Variants in BICRAL observed in about 807,000 individuals in gnomAD.
BICRAL encodes the protein BICRA like chromatin remodeling complex associated protein.
A neutral mutation model predicts 91.8 loss-of-function variants in BICRAL; 8 were observed. The observed-to-expected ratio is 0.09, with a 90% CI of 0.05 to 0.16. The LOEUF (loss-of-function observed/expected upper bound fraction) is 0.16. Among genes scored for constraint, BICRAL ranks in the 10% least tolerant of loss-of-function variants. The pLI, the probability that BICRAL is intolerant of heterozygous loss-of-function variation, is 1.00. For synonymous variants in BICRAL, 445 were observed against 491.1 expected (o/e 0.91, Z 1.24); for missense variants, 1,038 against 1,310.9 (o/e 0.79, Z 3.21).
rs1765709630 is a variant in BICRAL, at chr6:42,866,290, A to G, written c.*844A>G. ...CAGTGTACAGAGGAGGCCGGGATAG[A>G]GCCATGAGGGTTATAATATTAATAT... is the stretch of plus-strand genomic sequence containing the variant. On this transcript the variant is annotated 3_prime_UTR_variant, in exon 13 of 13. Transcript: ENST00000314073. 1 of 154,830 alleles carries G rather than the reference A, an allele frequency of 6.5e-6. No individual in the cohort carries two copies. Among genetic ancestry groups the G allele is most frequent in the Admixed American group, 6.3e-5 (1 of 15,808 alleles). The allele number at this position is 154,830 out of a possible 1,614,324, so 9.6% of individuals were successfully genotyped here. A position where few individuals can be genotyped will look rare whatever the true frequency, so the allele number is the denominator to read the frequency against.
intron 1 of BICRAL, among the ~76,000 whole-genome samples, chr6:42,786,951 A>G (rs1256747136): frequency 1.3e-5 from 2 of 152,096 alleles, no homozygotes; most frequent in East Asian, 3.9e-4. Flanking sequence ...TTTGGATTTA[A>G]TTCTAATGGC....
At chr6:42,861,926 G>A (rs1367047195) in intron 11 of BICRAL, among the ~76,000 whole-genome samples, 2 of 152,190 alleles carry the variant, frequency 1.3e-5, no homozygotes, top group African/African-American at 4.8e-5. Flanking sequence ...TTGAATCTGG[G>A]AGGTGAAGGT....
At chr6:42,752,348 C>T (rs1349224111) in intron 1 of BICRAL, among the ~76,000 whole-genome samples, 1 of 152,200 alleles carries the variant, frequency 6.6e-6, no homozygotes, top group African/African-American at 2.4e-5. Flanking sequence ...CAGCACTGAG[C>T]CAGGGAGGCC....
intron 1 of BICRAL, among the ~76,000 whole-genome samples, chr6:42,787,770 G>A (rs576377801): frequency 1.3e-5 from 2 of 152,128 alleles, no homozygotes; most frequent in Admixed American, 6.5e-5. Context: ...GGGATGCTTC[G>A]AAGAGAGAAT....
chr6:42,798,298 A>G (rs1416808416), intron 1 of BICRAL, among the ~76,000 whole-genome samples: 1 of 152,126 alleles, frequency 6.6e-6, no homozygotes, highest in African/African-American at 2.4e-5. Flanking sequence ...TATGCAATAT[A>G]CCCATGTAAC....
At chr6:42,779,273 CA>C, upstream of BICRAL, among the ~76,000 whole-genome samples, 1 of 134,662 alleles carries the variant, frequency 7.4e-6, no homozygotes, top group African/African-American at 2.8e-5. Context: ...CACACACACA[CA>C]TATCATTGGA....
intron 1 of BICRAL, among the ~76,000 whole-genome samples, chr6:42,748,324 C>T (rs576440419): frequency 2.0e-5 from 3 of 152,184 alleles, no homozygotes; most frequent in Admixed American, 2.0e-4. Flanking sequence ...CAGGTTGAAC[C>T]TGTCTCACTC....
At chr6:42,756,885 GCTCT>G (rs1317096649) in intron 1 of BICRAL, among the ~76,000 whole-genome samples, 7 of 141,666 alleles carry the variant, frequency 4.9e-5, no homozygotes, top group Non-Finnish European at 7.7e-5. Flanking sequence ...TCGCGCGCGC[GCTCT>G]CTCTCTCTCT....
rs575125902 is a variant in BICRAL, at chr6:42,790,412, G to A, written c.-102+8311G>A. Among the ~76,000 whole-genome samples, 226 of 135,452 alleles carry A rather than the reference G, an allele frequency of 1.7e-3. 1 individual carries two copies. Among genetic ancestry groups the A allele is most frequent in the African/African-American group, 6.0e-3 (212 of 35,322 alleles). The allele number at this position is 135,452 out of a possible 152,430, so 88.9% of individuals were successfully genotyped here. On this transcript the variant is annotated intron_variant, in intron 1 of 12. Coordinates refer to ENST00000314073, the MANE Select transcript of BICRAL (RefSeq NM_001393499.1). The stretch of plus-strand genomic sequence containing the variant: ...GCTGGCCTCAAACTCCTGGGCTCAA[G>A]CAGTCTTCCCACCTTTCCCTCCCAA...
At chr6:42,823,233 C>G (rs1764195377) in intron 5 of BICRAL, among the ~76,000 whole-genome samples, 1 of 152,134 alleles carries the variant, frequency 6.6e-6, no homozygotes, top group African/African-American at 2.4e-5. Flanking sequence ...TGAAGCGATC[C>G]TCCCACCTCA....
intron 9 of BICRAL, 117 bp from the exon 10 acceptor site, chr6:42,856,974 C>G: frequency 1.2e-6 from 1 of 842,412 alleles, no homozygotes; most frequent in South Asian, 1.8e-5. Flanking sequence ...AAATATAAAA[C>G]TAAAAAACTG....
intron 1 of BICRAL, among the ~76,000 whole-genome samples, chr6:42,759,437 G>A (rs1762510854): frequency 6.6e-6 from 1 of 152,228 alleles, no homozygotes; most frequent in Non-Finnish European, 1.5e-5. Context: ...GCAGGAGCCA[G>A]AGAGAAATGG....
intron 6 of BICRAL, among the ~76,000 whole-genome samples, chr6:42,851,009 A>G (rs953652276): frequency 2.0e-5 from 3 of 151,728 alleles, no homozygotes; most frequent in African/African-American, 4.8e-5. Flanking sequence ...ATATGGTGAA[A>G]CCCTGTCTCT....
At chr6:42,747,811 T>TTTG (rs1554273011) in intron 1 of BICRAL, among the ~76,000 whole-genome samples, 5 of 148,860 alleles carry the variant, frequency 3.4e-5, no homozygotes, top group African/African-American at 1.2e-4. Context: ...TTTTGTTTTT[T>TTTG]TTTTTTTTTT....
At chr6:42,787,231 G>A (rs913456343) in intron 1 of BICRAL, among the ~76,000 whole-genome samples, 1 of 152,168 alleles carries the variant, frequency 6.6e-6, no homozygotes, top group South Asian at 2.1e-4. Context: ...GCAGGCTCCA[G>A]CCTTGGGCTG....
chr6:42,782,807 C>G (rs1227978618), intron 1 of BICRAL, among the ~76,000 whole-genome samples: 1 of 151,814 alleles, frequency 6.6e-6, no homozygotes, highest in African/African-American at 2.4e-5. Context: ...GGCGGGGCCG[C>G]GAGCAGGGGG....
chr6:42,821,432 G>T (rs1202579585), intron 2 of BICRAL, among the ~76,000 whole-genome samples: 2 of 152,146 alleles, frequency 1.3e-5, no homozygotes, highest in Admixed American at 6.5e-5. Context: ...TTGAACAGGG[G>T]TGGTGCTGCT....
chr6:42,808,697 G>A (rs1433195019), intron 1 of BICRAL, among the ~76,000 whole-genome samples: 1 of 152,122 alleles, frequency 6.6e-6, no homozygotes, highest in African/African-American at 2.4e-5. Context: ...AGATGGGAGT[G>A]TGAAGAGTGC....
At chr6:42,852,309 G>A (rs761671458) in intron 7 of BICRAL, 112 bp downstream of exon 7, 36 of 729,308 alleles carry the variant, frequency 4.9e-5, no homozygotes, top group Non-Finnish European at 8.4e-5. Flanking sequence ...TCTCCACTCC[G>A]ATTATTCCTT....
Sources: allele counts gnomAD v4.1 joint callset (sites outside exome capture counted in the v4.1 genomes callset), GRCh38; gene constraint gnomAD v4.1.1; transcripts MANE v1.5; gene names NCBI Gene and HGNC (gene_info 2026-07-23, HGNC 2026-07-21).